Variants in NELFCD observed in about 807,000 individuals in gnomAD.
NELFCD encodes negative elongation factor complex member C/D.
Under a neutral mutation model 72.9 loss-of-function variants are expected in NELFCD, and 48 were observed. The ratio of observed to expected loss-of-function variants is 0.66; its 90% CI spans 0.52 to 0.84. The LOEUF (loss-of-function observed/expected upper bound fraction) is 0.84, where lower values mean the gene tolerates loss of function less well. NELFCD is among the 40% of genes least tolerant of loss of function. The pLI is 0.00. For missense variants in NELFCD, 538 were observed against 723.8 expected, an observed-to-expected ratio of 0.74 and a Z score of 2.94; for synonymous variants, 297 against 280.6, an observed-to-expected ratio of 1.06 and a Z score of -0.59.
chr20:58,991,601 G>A (rs1365136711), intron 9 of NELFCD, 155 bp downstream of exon 9: 5 of 876,922 alleles, frequency 5.7e-6, no homozygotes, highest in African/African-American at 1.7e-5. Flanking sequence ...AGCACTAAAC[G>A]TCTCCAGAAA....
intron 1 of NELFCD, among the ~76,000 whole-genome samples, chr20:58,982,562 C>T (rs929718067): frequency 6.6e-6 from 1 of 152,186 alleles, no homozygotes; most frequent in African/African-American, 2.4e-5. Context: ...CGTTGATAAA[C>T]ATGGGTGGTG....
chr20:58,993,088 T>G lies in NELFCD; in HGVS notation c.1320T>G (p.Pro440=), dbSNP rs1034515524. The G allele has an allele frequency of 1.2e-6, 2 of 1,614,002 alleles. No individual in the cohort carries two copies. The highest frequency in any genetic ancestry group is 8.5e-7 in the Non-Finnish European group (1 of 1,179,976). The part of the protein sequence containing the change: ...RYFQLQTDHT[P]VHLALLDEIS... ...TTCAGCTGCAGACTGACCATACCCC[T>G]GTCCACCTGGCGTTGCTGGATGAGG... Residue 440 remains proline (P), a synonymous_variant, in exon 11 of 15, where the codon CCT becomes CCG. Coordinates refer to ENST00000652272, the MANE Select transcript of NELFCD (RefSeq NM_198976.4). This position sits in a 1 kb window ranked among gnomAD's most constrained non-coding sequence, Gnocchi z 5.0.
intron 14 of NELFCD, 78 bp from the exon 15 acceptor site, chr20:58,994,562 CAA>C (rs374709307): frequency 0.053 from 41,474 of 782,240 alleles, no homozygotes; most frequent in East Asian, 0.069. Context: ...AACTGCATCT[CAA>C]AAAAAAAAAA....
chr20:58,983,303 A>T (rs1384111899), intron 1 of NELFCD, among the ~76,000 whole-genome samples: 1 of 151,714 alleles, frequency 6.6e-6, no homozygotes, highest in African/African-American at 2.4e-5. Flanking sequence ...TGTCCGGCTA[A>T]TTTTTGTATT....
In NELFCD at chr20:58,986,283, G is replaced by A; in HGVS notation, c.176+75G>A. On this transcript the variant is annotated intron_variant, in intron 2 of 14. Transcript: ENST00000652272. The surrounding 1 kb of genome is among the most constrained non-coding windows in gnomAD (Gnocchi z 4.4). ...GAAAGTTTTGTAATACACCCAGAAG[G>A]TGCTATGTAAAGCAAGAGTAACGCG... 1.0e-6 allele frequency: 1 copy of A among 975,776 alleles called. No homozygotes were observed. The highest frequency in any genetic ancestry group is 1.3e-5 in the South Asian group (1 of 76,108). 60.4% of individuals were successfully genotyped at this position (975,776 alleles called of 1,614,324 possible).
chr20:58,993,958 AC>A lies in NELFCD; in HGVS notation c.1582-149del. 2 of 1,114,714 alleles carry A rather than the reference AC, an allele frequency of 1.8e-6. No homozygotes were observed. The highest frequency in any genetic ancestry group is 2.8e-5 in the South Asian group (2 of 70,214). 69.1% of individuals were successfully genotyped at this position (1,114,714 alleles called of 1,614,324 possible). On this transcript the variant is annotated intron_variant, in intron 13 of 14. Coordinates refer to ENST00000652272, the MANE Select transcript of NELFCD (RefSeq NM_198976.4). The surrounding 1 kb of genome is among the most constrained non-coding windows in gnomAD (Gnocchi z 5.0). The stretch of plus-strand genomic sequence containing the variant: ...TATGACACACTTTACCTCCATTACC[AC>A]CCTGGGCATCTGAATGTTGGAGATG...
intron 10 of NELFCD, among the ~76,000 whole-genome samples, chr20:58,992,670 A>G (rs1333509899): frequency 1.3e-5 from 2 of 152,130 alleles, no homozygotes; most frequent in African/African-American, 4.8e-5. Flanking sequence ...CCAAGGCAAG[A>G]AAATAGTTTG....
chr20:58,988,830 C>T, intron 4 of NELFCD, 84 bp from the exon 5 acceptor site: 3 of 1,007,038 alleles, frequency 3.0e-6, no homozygotes, highest in Non-Finnish European at 4.7e-6. Flanking sequence ...GCACCAATCT[C>T]CTGTGATCGT....
chr20:58,987,301 A>C (rs1042033726), intron 3 of NELFCD: 2 of 249,654 alleles, frequency 8.0e-6, no homozygotes, highest in Non-Finnish European at 1.5e-5. Context: ...GACATCACTG[A>C]AGTGCGTGCT....
In NELFCD at chr20:58,993,617, T is replaced by G. The variant is rs1308109913; in HGVS notation, c.1441-7T>G. 2.5e-6 allele frequency: 4 copies of G among 1,614,086 alleles called. No individual in the cohort carries two copies. Among genetic ancestry groups the G allele is most frequent in the Admixed American group, 1.7e-5 (1 of 59,994 alleles). On this transcript the variant is annotated splice_region_variant and splice_polypyrimidine_tract_variant and intron_variant, in intron 12 of 14. Transcript: ENST00000652272. This position sits in a 1 kb window ranked among gnomAD's most constrained non-coding sequence, Gnocchi z 5.0. ...CTAACCAGCTCCCTGTCCCCCTTCTTCTGTAGCTTGAGTTGAAGAAGACAC... is the reference window on the plus strand; with the variant it reads ...CTAACCAGCTCCCTGTCCCCCTTCTGCTGTAGCTTGAGTTGAAGAAGACAC...
chr20:58,988,843 A>T (rs1461093306), intron 4 of NELFCD, 71 bp from the exon 5 acceptor site: 2 of 1,127,364 alleles, frequency 1.8e-6, no homozygotes, highest in Admixed American at 3.4e-5. Flanking sequence ...GTGATCGTTT[A>T]TACAACAGAA....
In NELFCD at chr20:58,986,097, A is replaced by T; in HGVS notation, c.65A>T (p.Glu22Val). ...WGDEADGGQQ[E>V]DDSGEGEDDA... ...GCTCTTCGCATTTACCAACAGCAGG[A>T]GGATGATTCTGGAGAAGGAGAGGAT... Residue 22 changes from glutamate to valine, a missense_variant, in exon 2 of 15, where the codon GAG becomes GTG. By Grantham distance (121) the Glu-to-Val change is moderately radical (BLOSUM62 -2). Transcript: ENST00000652272. The surrounding 1 kb of genome is among the most constrained non-coding windows in gnomAD (Gnocchi z 4.4). The T allele has an allele frequency of 1.2e-6, 2 of 1,609,328 alleles. No homozygotes were observed. The highest frequency in any genetic ancestry group is 1.7e-6 in the Non-Finnish European group (2 of 1,175,576).
At chr20:58,988,116 C>T (rs576758246) in intron 4 of NELFCD, 34 of 344,276 alleles carry the variant, frequency 9.9e-5, no homozygotes, top group Non-Finnish European at 1.2e-4. Context: ...GTGGTGGATT[C>T]GTTTGGTTCC....
rs1397586672 is a variant in NELFCD, at chr20:58,993,904, CA to C, written c.1581+145del. Reference sequence around the variant, plus strand: ...ATGACAATGACAGATACTCGTTTACCAAAAAGCACCTTCTGCCTGCAGCAGC... The same window carrying C: ...ATGACAATGACAGATACTCGTTTACCAAAAGCACCTTCTGCCTGCAGCAGC... On this transcript the variant is annotated intron_variant, in intron 13 of 14. Transcript: ENST00000652272. This position sits in a 1 kb window ranked among gnomAD's most constrained non-coding sequence, Gnocchi z 5.0. 2 of 1,136,314 alleles carry C rather than the reference CA, an allele frequency of 1.8e-6. No homozygotes were observed. Among genetic ancestry groups the C allele is most frequent in the Non-Finnish European group, 2.5e-6 (2 of 787,434 alleles). The allele number at this position is 1,136,314 out of a possible 1,614,324, so 70.4% of individuals were successfully genotyped here.
rs1449779010 is a variant in NELFCD, at chr20:58,990,898, T to A, written c.789-12T>A. 1.9e-6 allele frequency: 3 copies of A among 1,606,188 alleles called. No individual in the cohort carries two copies. The highest frequency in any genetic ancestry group is 2.6e-6 in the Non-Finnish European group (3 of 1,176,130). Reference sequence around the variant, plus strand: ...CTTGTTAGTAACGGGGTCTATGGTTTTTCTCATCAAGAGGTCATGACGCCA... The same window carrying A: ...CTTGTTAGTAACGGGGTCTATGGTTATTCTCATCAAGAGGTCATGACGCCA... On this transcript the variant is annotated splice_polypyrimidine_tract_variant and intron_variant, in intron 7 of 14. Transcript: ENST00000652272.
chr20:58,990,760 T>G, intron 7 of NELFCD, 150 bp from the exon 8 acceptor site: 1 of 644,804 alleles, frequency 1.6e-6, no homozygotes, highest in South Asian at 2.1e-5. Flanking sequence ...ACTTTTCCAG[T>G]GTTGTAAATG....
In NELFCD at chr20:58,989,902, C is replaced by A. The variant is rs2091802394; in HGVS notation, c.702C>A (p.Ala234=). 1.9e-6 allele frequency: 3 copies of A among 1,614,070 alleles called. No homozygotes were observed. In the African/African-American group the frequency reaches 4.0e-5, roughly 22 times the overall value. ...HGEHTYLFAQ[A]MMSVLAQEEQ... Reference sequence around the variant, plus strand: ...AGCACACGTACCTGTTTGCCCAGGCCATGATGTCCGTGCTGGCCCAGGAGG... The same window carrying A: ...AGCACACGTACCTGTTTGCCCAGGCAATGATGTCCGTGCTGGCCCAGGAGG... Residue 234 remains alanine (A), a synonymous_variant, in exon 7 of 15, where the codon GCC becomes GCA. Coordinates refer to ENST00000652272, the MANE Select transcript of NELFCD (RefSeq NM_198976.4).
intron 1 of NELFCD, 138 bp downstream of exon 1, chr20:58,981,507 C>A (rs2091731998): frequency 9.4e-6 from 2 of 212,756 alleles, no homozygotes; most frequent in Non-Finnish European, 8.2e-6. Flanking sequence ...CCCGCGCGGT[C>A]ACCGTGTGGT....
At chr20:58,992,092 G>A (rs913933833) in intron 10 of NELFCD, 72 bp downstream of exon 10, 1 of 1,445,742 alleles carries the variant, frequency 6.9e-7, no homozygotes, top group Non-Finnish European at 9.4e-7. Flanking sequence ...CATATTGAAA[G>A]CTCAAATAAC....
Sources: allele counts gnomAD v4.1 joint callset (sites outside exome capture counted in the v4.1 genomes callset), GRCh38; gene constraint gnomAD v4.1.1; non-coding constraint Gnocchi (gnomAD v3.1); transcripts MANE v1.5; gene names NCBI Gene and HGNC (gene_info 2026-07-23, HGNC 2026-07-21).